ABCA13: variants seen among roughly 807,000 people sequenced by gnomAD.
ABCA13 encodes the protein ATP binding cassette subfamily A member 13, also known as ATP-binding cassette sub-family A member 13.
Under a neutral mutation model 478.7 loss-of-function variants are expected in ABCA13, and 476 were observed. The ratio of observed to expected loss-of-function variants is 0.99; its 90% confidence interval spans 0.92 to 1.07. ABCA13 has a LOEUF of 1.07. ABCA13 is among the 50% of genes least tolerant of loss of function. ABCA13 has a pLI of 0.00. For missense variants in ABCA13, 6,060 were observed against 5,910.6 expected (o/e 1.03, Z -0.83); for synonymous variants, 2,252 against 2,158.9 (o/e 1.04, Z -1.20).
At chr7:48,629,475 C>T (rs1264597142) in intron 59 of ABCA13, among the ~76,000 whole-genome samples, 1 of 151,036 alleles carries the variant, frequency 6.6e-6, no homozygotes, top group East Asian at 2.0e-4. Flanking sequence ...AATGCACCAG[C>T]CCACAACATT....
At chr7:48,346,617 C>T (rs1055856653) in intron 29 of ABCA13, among the ~76,000 whole-genome samples, 10 of 152,090 alleles carry the variant, frequency 6.6e-5, no homozygotes, top group Admixed American at 2.0e-4. Context: ...TCAGTTGGAG[C>T]CTCGCTCTCT....
At chr7:48,293,204 C>A (rs577412463) in intron 20 of ABCA13, among the ~76,000 whole-genome samples, 5,178 of 131,544 alleles carry the variant, frequency 0.039, 419 homozygotes, top group Admixed American at 0.11. Flanking sequence ...CCCCCCCCCG[C>A]CACACACACA....
chr7:48,362,695 A>G (rs1811072212), intron 31 of ABCA13, among the ~76,000 whole-genome samples: 1 of 151,772 alleles, frequency 6.6e-6, no homozygotes, highest in African/African-American at 2.4e-5. Flanking sequence ...TTATAATTAT[A>G]ACATTATATA....
chr7:48,331,218 G>A (rs1805350781), intron 27 of ABCA13, among the ~76,000 whole-genome samples: 2 of 152,032 alleles, frequency 1.3e-5, no homozygotes, highest in African/African-American at 4.8e-5. Flanking sequence ...AAGTAAGAGA[G>A]GAATAAATCA....
intron 7 of ABCA13, among the ~76,000 whole-genome samples, chr7:48,231,510 G>A (rs1265689213): frequency 6.6e-6 from 1 of 152,120 alleles, no homozygotes; most frequent in Non-Finnish European, 1.5e-5. Context: ...GAGTGGCCAT[G>A]GGAGCAGTAG....
intron 55 of ABCA13, among the ~76,000 whole-genome samples, chr7:48,571,856 A>T (rs1389478037): frequency 6.6e-6 from 1 of 152,122 alleles, no homozygotes; most frequent in African/African-American, 2.4e-5. Context: ...TTTGTTTTTG[A>T]TATGAAAGGG....
At chr7:48,429,569 G>A (rs1056166031) in intron 42 of ABCA13, among the ~76,000 whole-genome samples, 1 of 152,106 alleles carries the variant, frequency 6.6e-6, no homozygotes, top group Non-Finnish European at 1.5e-5. Context: ...ATGGCCACTT[G>A]TATATTTTCT....
chr7:48,192,897 T>A, intron 1 of ABCA13, 62 bp from the exon 2 acceptor site: 3 of 1,305,156 alleles, frequency 2.3e-6, no homozygotes, highest in South Asian at 1.4e-5. Flanking sequence ...CTTCAAGAGA[T>A]GAAAATATTG....
intron 23 of ABCA13, among the ~76,000 whole-genome samples, chr7:48,308,895 C>G (rs1212661392): frequency 6.7e-6 from 1 of 149,168 alleles, no homozygotes; most frequent in Non-Finnish European, 1.5e-5. Flanking sequence ...AGCAATAGAC[C>G]ATACCCTATA....
intron 58 of ABCA13, among the ~76,000 whole-genome samples, chr7:48,606,856 G>T (rs570406845): frequency 6.6e-6 from 1 of 152,312 alleles, no homozygotes; most frequent in African/African-American, 2.4e-5. Flanking sequence ...GGAGATGGGG[G>T]TTTTATCTAT....
At chr7:48,644,871 G>C in intron 61 of ABCA13, 117 bp downstream of exon 61, 1 of 1,132,664 alleles carries the variant, frequency 8.8e-7, no homozygotes, top group Non-Finnish European at 1.2e-6. Context: ...AATTCATCTT[G>C]TTAAATTTTA....
intron 26 of ABCA13, among the ~76,000 whole-genome samples, chr7:48,315,445 A>G (rs913175981): frequency 1.3e-5 from 2 of 152,136 alleles, no homozygotes; most frequent in Admixed American, 1.3e-4. Context: ...AACAACTTCT[A>G]TAATTAATGG....
intron 42 of ABCA13, among the ~76,000 whole-genome samples, chr7:48,444,116 GCTCT>G (rs1382542421): frequency 6.6e-6 from 1 of 152,128 alleles, no homozygotes; most frequent in Non-Finnish European, 1.5e-5. Context: ...AGAATTCATT[GCTCT>G]CTGTTTTCAA....
chr7:48,423,308 G>T (rs534696633), intron 41 of ABCA13, among the ~76,000 whole-genome samples: 1 of 152,332 alleles, frequency 6.6e-6, no homozygotes, highest in East Asian at 1.9e-4. Flanking sequence ...TGTAGGTCAA[G>T]TTTGGAAATT....
intron 39 of ABCA13, among the ~76,000 whole-genome samples, chr7:48,407,127 C>G (rs1818367785): frequency 6.6e-6 from 1 of 152,030 alleles, no homozygotes; most frequent in African/African-American, 2.4e-5. Context: ...ACTGTTGACT[C>G]CTTATATCCA....
chr7:48,327,117 A>G (rs1420869280), intron 27 of ABCA13, among the ~76,000 whole-genome samples: 1 of 152,198 alleles, frequency 6.6e-6, no homozygotes. Context: ...GTCCGTCCTC[A>G]CACTGCTATG....
chr7:48,188,363 T>C (rs574880265), intron 1 of ABCA13, among the ~76,000 whole-genome samples: 13 of 152,300 alleles, frequency 8.5e-5, no homozygotes, highest in African/African-American at 3.1e-4. Flanking sequence ...TATTTGATCA[T>C]TCTCAGTAGC....
At chr7:48,535,547 G>A (rs1833511329) in intron 55 of ABCA13, among the ~76,000 whole-genome samples, 1 of 152,208 alleles carries the variant, frequency 6.6e-6, no homozygotes, top group South Asian at 2.1e-4. Context: ...GAAGGATCAG[G>A]TGGTGGGTGG....
At chr7:48,188,776 C>T (rs575469197) in intron 1 of ABCA13, among the ~76,000 whole-genome samples, 26 of 152,224 alleles carry the variant, frequency 1.7e-4, no homozygotes, top group Non-Finnish European at 3.5e-4. Flanking sequence ...TTCCCAAATG[C>T]CATCGTGGCT....
Sources: allele counts gnomAD v4.1 joint callset (sites outside exome capture counted in the v4.1 genomes callset), GRCh38; gene constraint gnomAD v4.1.1; transcripts MANE v1.5; gene names NCBI Gene and HGNC (gene_info 2026-07-23, HGNC 2026-07-21).